AGMO: variants seen among roughly 807,000 people sequenced by gnomAD.
AGMO encodes glyceryl-ether monooxygenase.
Under a neutral mutation model 60.2 loss-of-function variants are expected in AGMO, and 75 were observed. That is an observed-to-expected ratio of 1.25 (90% CI 1.03 to 1.51). The LOEUF (loss-of-function observed/expected upper bound fraction) is 1.51. AGMO is among the 40% of genes most tolerant of loss of function. The pLI, the probability that AGMO is intolerant of heterozygous loss-of-function variation, is 0.00. For synonymous variants in AGMO, 261 were observed against 177.1 expected (o/e 1.47, Z -3.76); for missense variants, 763 against 525.5 (o/e 1.45, Z -4.42).
the AGMO span, among the ~76,000 whole-genome samples, chr7:15,193,909 G>C: frequency 6.6e-6 from 1 of 151,802 alleles, no homozygotes; most frequent in Non-Finnish European, 1.5e-5. Context: ...AAATTTCTAG[G>C]CAATTTGCAA....
chr7:15,491,476 A>T (rs1350860122), intron 3 of AGMO, among the ~76,000 whole-genome samples: 3 of 152,162 alleles, frequency 2.0e-5, no homozygotes, highest in Non-Finnish European at 4.4e-5. Context: ...CTTAAATTTA[A>T]GTATAGTACT....
At chr7:15,141,800 ATTT>A in the AGMO span, among the ~76,000 whole-genome samples, 1 of 152,184 alleles carries the variant, frequency 6.6e-6, no homozygotes, top group Non-Finnish European at 1.5e-5. Context: ...ATACAAAATT[ATTT>A]TTTAATATTA....
chr7:15,287,459 CTTCTCTA>C (rs1233522386), intron 12 of AGMO, among the ~76,000 whole-genome samples: 2 of 152,090 alleles, frequency 1.3e-5, no homozygotes, highest in African/African-American at 4.8e-5. Context: ...TTACTCTGAA[CTTCTCTA>C]TTTGGATCTT....
intron 12 of AGMO, among the ~76,000 whole-genome samples, chr7:15,269,154 G>T (rs919287409): frequency 2.6e-5 from 4 of 152,032 alleles, no homozygotes; most frequent in Non-Finnish European, 5.9e-5. Flanking sequence ...AAAAGTGGTT[G>T]TACTCCAATA....
At chr7:15,342,685 A>C (rs950728680) in intron 12 of AGMO, among the ~76,000 whole-genome samples, 3 of 151,244 alleles carry the variant, frequency 2.0e-5, no homozygotes, top group Non-Finnish European at 4.4e-5. Flanking sequence ...TTGTTTCATT[A>C]AATACATATT....
intron 12 of AGMO, among the ~76,000 whole-genome samples, chr7:15,218,569 T>C (rs981504168): frequency 2.1e-5 from 3 of 141,700 alleles, no homozygotes; most frequent in Non-Finnish European, 4.9e-5. Flanking sequence ...TTAAAATATA[T>C]TAACTCTCTG....
intron 12 of AGMO, among the ~76,000 whole-genome samples, chr7:15,284,802 T>C (rs1046863587): frequency 1.3e-5 from 2 of 151,984 alleles, no homozygotes; most frequent in African/African-American, 4.8e-5. Context: ...CCAATATCCC[T>C]GATAAATACA....
intron 3 of AGMO, among the ~76,000 whole-genome samples, chr7:15,474,020 A>T (rs1174998015): frequency 6.6e-6 from 1 of 152,090 alleles, no homozygotes; most frequent in East Asian, 1.9e-4. Flanking sequence ...CTTCAAGGAG[A>T]ACTACAAACC....
intron 3 of AGMO, among the ~76,000 whole-genome samples, chr7:15,533,947 G>T (rs192703991): frequency 1.3e-5 from 2 of 152,156 alleles, no homozygotes; most frequent in East Asian, 3.9e-4. Flanking sequence ...AATATACAAT[G>T]GTGGGGGTAT....
chr7:15,313,032 A>C (rs1780814498), intron 12 of AGMO, among the ~76,000 whole-genome samples: 2 of 152,192 alleles, frequency 1.3e-5, no homozygotes, highest in African/African-American at 4.8e-5. Context: ...GTCAGAGATA[A>C]TAAAGAATGC....
chr7:15,494,476 G>A (rs1783168106), intron 3 of AGMO, among the ~76,000 whole-genome samples: 1 of 152,192 alleles, frequency 6.6e-6, no homozygotes, highest in Non-Finnish European at 1.5e-5. Flanking sequence ...ATGTTGTGGT[G>A]TGTTTATACT....
intron 3 of AGMO, among the ~76,000 whole-genome samples, chr7:15,472,099 C>T (rs1227750195): frequency 1.3e-5 from 2 of 151,854 alleles, no homozygotes; most frequent in Non-Finnish European, 2.9e-5. Flanking sequence ...TAAATTCTAT[C>T]ATCTCATGGT....
chr7:15,192,342 T>C, the AGMO span, among the ~76,000 whole-genome samples: 1 of 151,828 alleles, frequency 6.6e-6, no homozygotes, highest in African/African-American at 2.4e-5. Context: ...CAGAGCAGCA[T>C]GGCAGAGAAG....
chr7:15,504,392 G>C (rs532369300), intron 3 of AGMO, among the ~76,000 whole-genome samples: 2 of 151,988 alleles, frequency 1.3e-5, no homozygotes, highest in East Asian at 3.9e-4. Context: ...ACAGTGCTGC[G>C]TATTAAGAAG....
chr7:15,536,758 A>T (rs1784492409), intron 3 of AGMO, among the ~76,000 whole-genome samples: 1 of 152,016 alleles, frequency 6.6e-6, no homozygotes, highest in Non-Finnish European at 1.5e-5. Context: ...ATAGAAATAA[A>T]TATCTAAGCT....
the AGMO span, among the ~76,000 whole-genome samples, chr7:15,192,583 G>C: frequency 1.3e-5 from 2 of 152,054 alleles, no homozygotes; most frequent in Admixed American, 6.6e-5. Flanking sequence ...CCGGACACTG[G>C]ACAAAGGTCC....
chr7:15,440,049 A>T (rs1781507439), intron 3 of AGMO, among the ~76,000 whole-genome samples: 1 of 152,228 alleles, frequency 6.6e-6, no homozygotes, highest in African/African-American at 2.4e-5. Context: ...TGAAAGAGAA[A>T]GCGAGAGGGG....
intron 3 of AGMO, among the ~76,000 whole-genome samples, chr7:15,513,233 C>T (rs1404183812): frequency 2.0e-5 from 3 of 152,120 alleles, no homozygotes; most frequent in South Asian, 2.1e-4. Context: ...CATAGACGAA[C>T]ATTACTATTT....
At chr7:15,365,397 A>AAAAAAAAAAAAAAT in intron 12 of AGMO, 117 bp downstream of exon 12, 1 of 486,316 alleles carries the variant, frequency 2.1e-6, no homozygotes, top group Non-Finnish European at 3.6e-6. Flanking sequence ...AAAAAAAAAG[A>AAAAAAAAAAAAAAT]TCAAGATTTC....
Sources: gnomAD v4.1 joint callset for allele counts (sites outside exome capture counted in the v4.1 genomes callset) on GRCh38, gnomAD v4.1.1 for gene constraint, MANE v1.5 for transcripts, NCBI Gene and HGNC (gene_info 2026-07-23, HGNC 2026-07-21) for gene names.